The following CSMD1 variants were observed in gnomAD, a reference collection of about 807,000 sequenced individuals.
The protein encoded by CSMD1 is CUB and sushi domain-containing protein 1.
A neutral mutation model predicts 417.5 loss-of-function variants in CSMD1; 213 were observed. The observed-to-expected ratio is 0.51, with a 90% confidence interval of 0.46 to 0.57. CSMD1 has a LOEUF of 0.57. CSMD1 is among the 20% of genes least tolerant of loss of function. CSMD1 has a pLI of 0.00. For synonymous variants in CSMD1, 2,862 were observed against 1,736.8 expected, an observed-to-expected ratio of 1.65 and a Z score of -16.11; for missense variants, 6,923 against 4,529.7, an observed-to-expected ratio of 1.53 and a Z score of -15.17.
At chr8:3,453,512 T>C (rs1374573624) in intron 12 of CSMD1, among the ~76,000 whole-genome samples, 2 of 152,214 alleles carry the variant, frequency 1.3e-5, no homozygotes, top group Non-Finnish European at 2.9e-5. Flanking sequence ...GTATGTTGTG[T>C]CTTTGTTCTC....
At chr8:3,723,890 G>A (rs1228519187) in intron 6 of CSMD1, among the ~76,000 whole-genome samples, 14 of 152,142 alleles carry the variant, frequency 9.2e-5, no homozygotes, top group Non-Finnish European at 1.6e-4. Context: ...ATAATAAAGT[G>A]CAAAAAGTTG....
chr8:4,286,489 C>T (rs775464936), intron 3 of CSMD1, among the ~76,000 whole-genome samples: 5 of 152,040 alleles, frequency 3.3e-5, no homozygotes, highest in African/African-American at 9.6e-5. Context: ...TTTAATAAGA[C>T]GGTTGTGGCA....
At chr8:3,694,011 G>A (rs1800402705) in intron 7 of CSMD1, among the ~76,000 whole-genome samples, 1 of 142,156 alleles carries the variant, frequency 7.0e-6, no homozygotes, top group Non-Finnish European at 1.5e-5. Context: ...TGTGTGTGTT[G>A]GGGTATTATG....
At chr8:3,815,419 T>C (rs955859624) in intron 5 of CSMD1, among the ~76,000 whole-genome samples, 8 of 152,186 alleles carry the variant, frequency 5.3e-5, no homozygotes, top group Admixed American at 1.3e-4. Flanking sequence ...ATTAATTATA[T>C]TGATAGTATA....
chr8:3,559,119 C>A (rs1799356333), intron 10 of CSMD1, among the ~76,000 whole-genome samples: 1 of 152,200 alleles, frequency 6.6e-6, no homozygotes, highest in African/African-American at 2.4e-5. Flanking sequence ...GCTATCAACG[C>A]TGTTGAAATA....
chr8:4,804,542 A>G lies in CSMD1; in HGVS notation c.86-166984T>C, dbSNP rs990495638. On this transcript the variant is annotated intron_variant, in intron 1 of 69. Coordinates refer to ENST00000635120, the MANE Select transcript of CSMD1 (RefSeq NM_033225.6). ...AAGAATGGACGTGAGAGAGAGAGAG[A>G]GGGAGGGAGGAACACTGGGAGGGAG... is the stretch of plus-strand genomic sequence containing the variant. 2.7e-5 allele frequency among the ~76,000 whole-genome samples: 4 copies of G among 149,752 alleles called. 1 individual carries two copies. Among genetic ancestry groups the G allele is most frequent in the South Asian group, 4.4e-4 (2 of 4,584 alleles).
chr8:4,071,597 G>C (rs773652189), intron 3 of CSMD1, among the ~76,000 whole-genome samples: 3 of 152,050 alleles, frequency 2.0e-5, no homozygotes, highest in Non-Finnish European at 2.9e-5. Flanking sequence ...CTTGGTCTCA[G>C]TTTTGGGGGC....
At chr8:3,890,186 T>C (rs527391407) in intron 5 of CSMD1, among the ~76,000 whole-genome samples, 45 of 152,300 alleles carry the variant, frequency 3.0e-4, no homozygotes, top group African/African-American at 6.5e-4. Flanking sequence ...TAAAGTATCA[T>C]ATTCCCTAAG....
chr8:4,197,809 G>A (rs1223770826), intron 3 of CSMD1, among the ~76,000 whole-genome samples: 20 of 152,110 alleles, frequency 1.3e-4, no homozygotes, highest in Admixed American at 1.2e-3. Flanking sequence ...AACCCAGGAG[G>A]CAGAGGTTGC....
intron 3 of CSMD1, among the ~76,000 whole-genome samples, chr8:4,207,574 A>G (rs1489964970): frequency 1.3e-5 from 2 of 152,180 alleles, no homozygotes. Flanking sequence ...AAAATGAATG[A>G]AACTGAAATA....
At position 4,803,812 on chromosome 8, in the gene CSMD1, C is replaced by G. The variant is rs75486800; in HGVS notation, c.86-166254G>C. Among the ~76,000 whole-genome samples the G allele has an allele frequency of 3.3e-5, 5 of 152,002 alleles. No individual in the cohort carries two copies. The East Asian group carries it at 9.6e-4, about 29-fold the overall frequency. On this transcript the variant is annotated intron_variant, in intron 1 of 69. Coordinates refer to ENST00000635120, the MANE Select transcript of CSMD1 (RefSeq NM_033225.6). ...TCTTTGTTGGTGCTCTACATTTGAGCTCATAGAATATCCTTGACACAGTAA... is the reference window on the plus strand; with the variant it reads ...TCTTTGTTGGTGCTCTACATTTGAGGTCATAGAATATCCTTGACACAGTAA...
At chr8:4,310,127 C>T (rs1308290284) in intron 3 of CSMD1, among the ~76,000 whole-genome samples, 2 of 152,184 alleles carry the variant, frequency 1.3e-5, no homozygotes, top group African/African-American at 4.8e-5. Context: ...TTCATCCCTG[C>T]TCCTAGTAAC....
chr8:3,930,821 A>G (rs888617136), intron 5 of CSMD1, among the ~76,000 whole-genome samples: 1 of 150,792 alleles, frequency 6.6e-6, no homozygotes, highest in South Asian at 2.1e-4. Context: ...ATAAATTTGC[A>G]CTTAAAACAA....
At chr8:3,256,008 C>G (rs1376542052) in intron 26 of CSMD1, among the ~76,000 whole-genome samples, 1 of 152,092 alleles carries the variant, frequency 6.6e-6, no homozygotes, top group Non-Finnish European at 1.5e-5. Flanking sequence ...CATCTTGGCT[C>G]CCATCCAAGT....
chr8:4,128,509 C>A (rs1002643854), intron 3 of CSMD1, among the ~76,000 whole-genome samples: 40 of 152,168 alleles, frequency 2.6e-4, no homozygotes, highest in African/African-American at 9.7e-4. Context: ...CAAACAAACA[C>A]ATTGCTTACT....
chr8:4,610,497 C>T (rs1272882298), intron 2 of CSMD1, among the ~76,000 whole-genome samples: 1 of 152,154 alleles, frequency 6.6e-6, no homozygotes, highest in East Asian at 1.9e-4. Context: ...ACTCCATAAA[C>T]ACCACTCTTT....
At chr8:3,354,325 A>G (rs971374548) in intron 21 of CSMD1, among the ~76,000 whole-genome samples, 1 of 152,194 alleles carries the variant, frequency 6.6e-6, no homozygotes, top group Non-Finnish European at 1.5e-5. Flanking sequence ...GGCTCTGGTT[A>G]TTAAAATGTA....
At chr8:4,172,383 C>G (rs1190041839) in intron 3 of CSMD1, among the ~76,000 whole-genome samples, 2 of 151,854 alleles carry the variant, frequency 1.3e-5, no homozygotes, top group Non-Finnish European at 2.9e-5. Flanking sequence ...AAATCAAATC[C>G]AAATCTAAAT....
In CSMD1 at chr8:4,506,503, G is replaced by T. The variant is rs915243004; in HGVS notation, c.303-86438C>A. The stretch of plus-strand genomic sequence containing the variant: ...CCCCTCTTCATTCAGAAACAATGGC[G>T]GATGGCAGGAGGCGGGGTTGGGGAT... On this transcript the variant is annotated intron_variant, in intron 2 of 69. Coordinates refer to ENST00000635120, the MANE Select transcript of CSMD1 (RefSeq NM_033225.6). 9.9e-5 allele frequency among the ~76,000 whole-genome samples: 15 copies of T among 152,106 alleles called. 1 individual carries two copies. The highest frequency in any genetic ancestry group is 3.2e-3 in the Middle Eastern group (1 of 316).
Sources: gnomAD v4.1 joint callset for allele counts (sites outside exome capture counted in the v4.1 genomes callset) on GRCh38, gnomAD v4.1.1 for gene constraint, MANE v1.5 for transcripts, NCBI Gene and HGNC (gene_info 2026-07-23, HGNC 2026-07-21) for gene names.